Variants in MCU observed in about 807,000 individuals in gnomAD.
The protein encoded by MCU is calcium uniporter protein, mitochondrial.
Under a neutral mutation model 45.2 loss-of-function variants are expected in MCU, and 12 were observed. The ratio of observed to expected loss-of-function variants is 0.27; its 90% CI spans 0.17 to 0.43. MCU has a LOEUF of 0.43. Among genes scored for constraint, MCU ranks in the 20% least tolerant of loss-of-function variants. MCU has a pLI of 1.00. For synonymous variants in MCU, 160 were observed against 165.1 expected (o/e 0.97, Z 0.24); for missense variants, 324 against 436.7 (o/e 0.74, Z 2.30).
intron 2 of MCU, among the ~76,000 whole-genome samples, chr10:72,858,559 G>A (rs559277645): frequency 6.6e-6 from 1 of 152,264 alleles, no homozygotes; most frequent in African/African-American, 2.4e-5. Flanking sequence ...GGGGTATAAT[G>A]AATTGTGTCT....
intron 1 of MCU, among the ~76,000 whole-genome samples, chr10:72,787,412 G>C (rs1001183682): frequency 1.3e-5 from 2 of 152,032 alleles, no homozygotes; most frequent in African/African-American, 4.8e-5. Flanking sequence ...GGGATTACAG[G>C]TGTGTGCCAC....
chr10:72,704,881 C>T (rs1842800851), intron 1 of MCU, among the ~76,000 whole-genome samples: 3 of 151,828 alleles, frequency 2.0e-5, no homozygotes, highest in African/African-American at 7.3e-5. Flanking sequence ...CCACCATGCC[C>T]AGCTAATTTT....
chr10:72,807,805 A>G (rs938962286), intron 1 of MCU, among the ~76,000 whole-genome samples: 3 of 152,238 alleles, frequency 2.0e-5, no homozygotes, highest in African/African-American at 2.4e-5. Context: ...TCTATTATTC[A>G]TAAAATAACA....
At chr10:72,719,327 A>G (rs183060356) in intron 1 of MCU, among the ~76,000 whole-genome samples, 3 of 152,330 alleles carry the variant, frequency 2.0e-5, no homozygotes, top group African/African-American at 7.2e-5. Flanking sequence ...GTATTATAAG[A>G]AGAATAAAGT....
chr10:72,854,051 T>C (rs1432150583), intron 2 of MCU, among the ~76,000 whole-genome samples: 5 of 152,010 alleles, frequency 3.3e-5, no homozygotes, highest in African/African-American at 4.8e-5. Flanking sequence ...GGAGAATCGC[T>C]TGAAGGTGGT....
At chr10:72,876,926 T>TTG (rs1845624676) in intron 6 of MCU, among the ~76,000 whole-genome samples, 1 of 122,372 alleles carries the variant, frequency 8.2e-6, no homozygotes, top group Non-Finnish European at 1.6e-5. Flanking sequence ...TCACAGTTTT[T>TTG]TTTTTTTTTT....
chr10:72,783,493 T>C (rs542040352), intron 1 of MCU, among the ~76,000 whole-genome samples: 40 of 152,304 alleles, frequency 2.6e-4, no homozygotes, highest in Admixed American at 2.4e-3. Flanking sequence ...CTCTTTGGCA[T>C]CTAGGAGGCT....
chr10:72,822,582 G>A (rs1252632580), intron 1 of MCU, among the ~76,000 whole-genome samples: 5 of 152,170 alleles, frequency 3.3e-5, no homozygotes, highest in African/African-American at 1.2e-4. Flanking sequence ...TGGTCAGTAA[G>A]CATATGAAAA....
intron 1 of MCU, among the ~76,000 whole-genome samples, chr10:72,772,152 C>T (rs1843819408): frequency 6.6e-6 from 1 of 152,140 alleles, no homozygotes; most frequent in Non-Finnish European, 1.5e-5. Context: ...CATCCTCAGC[C>T]CTGAAAACTG....
At chr10:72,812,393 G>C (rs962265987) in intron 1 of MCU, among the ~76,000 whole-genome samples, 1 of 152,134 alleles carries the variant, frequency 6.6e-6, no homozygotes, top group African/African-American at 2.4e-5. Flanking sequence ...TGATCCGCCC[G>C]CCTCGGCTTC....
At chr10:72,864,497 A>G (rs1015131306) in intron 4 of MCU, among the ~76,000 whole-genome samples, 11 of 152,250 alleles carry the variant, frequency 7.2e-5, no homozygotes, top group African/African-American at 2.7e-4. Context: ...ATGTAGATAA[A>G]TACAGTACAG....
At chr10:72,790,922 G>A (rs1844148877) in intron 1 of MCU, among the ~76,000 whole-genome samples, 1 of 152,140 alleles carries the variant, frequency 6.6e-6, no homozygotes, top group Non-Finnish European at 1.5e-5. Flanking sequence ...GTCTGACAAA[G>A]ATAGATCAGG....
chr10:72,876,082 ATAG>A (rs1845612660), intron 6 of MCU, among the ~76,000 whole-genome samples: 1 of 152,216 alleles, frequency 6.6e-6, no homozygotes, highest in Non-Finnish European at 1.5e-5. Context: ...GTGTTGATAA[ATAG>A]TGACCTAGCC....
intron 1 of MCU, among the ~76,000 whole-genome samples, chr10:72,752,224 A>C (rs1338588432): frequency 6.6e-6 from 1 of 151,734 alleles, no homozygotes; most frequent in African/African-American, 2.4e-5. Flanking sequence ...AGAGAAGATC[A>C]GTCTGCTGAG....
chr10:72,824,488 C>T (rs990335463), intron 1 of MCU, among the ~76,000 whole-genome samples: 2 of 151,558 alleles, frequency 1.3e-5, no homozygotes, highest in Non-Finnish European at 2.9e-5. Context: ...GGATTACAGG[C>T]GTGAGGCACC....
At position 72,885,770 on chromosome 10, in the gene MCU, G is replaced by C. The variant is rs772470131; in HGVS notation, c.1004G>C (p.Arg335Thr). The C allele has an allele frequency of 1.9e-6, 3 of 1,613,686 alleles. No individual in the cohort carries two copies. The highest frequency in any genetic ancestry group is 2.5e-6 in the Non-Finnish European group (3 of 1,179,666). Reference sequence around the variant, plus strand: ...GCAGAAATGGACCTTAAGAGACTGAGAGACCCATTACAAGTACATCTGCCT... The same window carrying C: ...GCAGAAATGGACCTTAAGAGACTGACAGACCCATTACAAGTACATCTGCCT... ...AQAEMDLKRL[R>T]DPLQVHLPLR... The change falls in exon 8 of 8, where the codon AGA (arginine) becomes ACA (threonine). Residue 335 changes from arginine to threonine, a missense_variant. Transcript: ENST00000373053.
chr10:72,813,235 C>T (rs1204636350), intron 1 of MCU, among the ~76,000 whole-genome samples: 1 of 150,466 alleles, frequency 6.6e-6, no homozygotes, highest in Non-Finnish European at 1.5e-5. Flanking sequence ...TGCTAGTGAG[C>T]AACAGCTGAC....
intron 1 of MCU, among the ~76,000 whole-genome samples, chr10:72,781,690 G>C (rs1335820041): frequency 6.6e-6 from 1 of 152,200 alleles, no homozygotes; most frequent in African/African-American, 2.4e-5. Context: ...CCTAGGTGAA[G>C]AATGAGAGTG....
At chr10:72,863,986 A>G (rs977314616) in intron 4 of MCU, among the ~76,000 whole-genome samples, 4 of 152,218 alleles carry the variant, frequency 2.6e-5, no homozygotes, top group African/African-American at 9.7e-5. Context: ...ATCAAAACTT[A>G]TGCACACACT....
Sources: gnomAD v4.1 joint callset for allele counts (sites outside exome capture counted in the v4.1 genomes callset) on GRCh38, gnomAD v4.1.1 for gene constraint, MANE v1.5 for transcripts, NCBI Gene and HGNC (gene_info 2026-07-23, HGNC 2026-07-21) for gene names.